The following AGBL1 variants were observed in gnomAD, a reference collection of about 807,000 sequenced individuals.
AGBL1 encodes the protein cytosolic carboxypeptidase 4.
A neutral mutation model predicts 118.9 loss-of-function variants in AGBL1; 130 were observed. That is an observed-to-expected ratio of 1.09 (90% CI 0.95 to 1.26). The LOEUF is 1.26. Ranked by LOEUF, AGBL1 falls within the 50% of genes most tolerant of loss-of-function variation. AGBL1 has a pLI of 0.00. For missense variants in AGBL1, 1,584 were observed against 1,298.1 expected (o/e 1.22, Z -3.38); for synonymous variants, 555 against 478.9 (o/e 1.16, Z -2.08).
Position 86,741,811 on chromosome 15 carries a change from T to G in AGBL1, c.3158+67375T>G, listed in dbSNP as rs182181584. On this transcript the variant is annotated intron_variant, in intron 22 of 22. Coordinates refer to ENST00000614907, the MANE Select transcript of AGBL1 (RefSeq NM_001386094.1). The stretch of plus-strand genomic sequence containing the variant: ...CTCTCCTTGTTTTAGTTATTCAATC[T>G]GCAAAACAAAAGGACAATGCTTACA... Among the ~76,000 whole-genome samples the G allele has an allele frequency of 9.2e-5, 14 of 152,260 alleles. No homozygotes were observed. The East Asian group carries it at 1.2e-3, about 13-fold the overall frequency.
At chr15:86,108,994 G>A (rs1336006821) in intron 1 of AGBL1, among the ~76,000 whole-genome samples, 1 of 151,978 alleles carries the variant, frequency 6.6e-6, no homozygotes, top group African/African-American at 2.4e-5. Flanking sequence ...ATCAAGGAAG[G>A]GGAGCATGTT....
chr15:86,496,285 A>G (rs11073637), intron 18 of AGBL1, among the ~76,000 whole-genome samples: 67,489 of 151,830 alleles, frequency 0.44, 15,956 homozygotes, highest in East Asian at 0.68. Flanking sequence ...TTTGCCTTGT[A>G]CCATGACTAT....
chr15:86,697,993 G>A (rs2086291496), intron 22 of AGBL1, among the ~76,000 whole-genome samples: 1 of 151,940 alleles, frequency 6.6e-6, no homozygotes, highest in African/African-American at 2.4e-5. Context: ...AATTTTCTTA[G>A]CTTTCCTAGT....
Position 86,615,061 on chromosome 15 carries a change from G to T in AGBL1, c.2995-59212G>T, listed in dbSNP as rs2084702965. ...AGTAATTAGGATACCAAAAGGATGG[G>T]CCTTTAGAAAAGGTTAGGACTAGAA... On this transcript the variant is annotated intron_variant, in intron 21 of 22. Transcript: ENST00000614907. This position sits in a 1 kb window ranked among gnomAD's most constrained non-coding sequence, Gnocchi z 4.3. Among the ~76,000 whole-genome samples, 1 of 152,186 alleles carries T rather than the reference G, an allele frequency of 6.6e-6. No homozygotes were observed. Among genetic ancestry groups the T allele is most frequent in the Non-Finnish European group, 1.5e-5 (1 of 68,032 alleles).
downstream of AGBL1, among the ~76,000 whole-genome samples, chr15:86,917,544 T>C (rs2080438876): frequency 6.6e-6 from 1 of 152,208 alleles, no homozygotes; most frequent in South Asian, 2.1e-4. The surrounding 1 kb of genome is among the most constrained non-coding windows in gnomAD (Gnocchi z 4.8). Context: ...AGCAGTGACC[T>C]AGCAGCAGCC....
chr15:86,563,110 A>AT (rs1303382289), intron 21 of AGBL1, among the ~76,000 whole-genome samples: 2 of 151,898 alleles, frequency 1.3e-5, no homozygotes, highest in South Asian at 2.1e-4. Flanking sequence ...GGATTCACTG[A>AT]TTTTTTGAAG....
intron 23 of AGBL1, among the ~76,000 whole-genome samples, chr15:86,969,805 T>G (rs910881105): frequency 1.3e-5 from 2 of 151,874 alleles, no homozygotes; most frequent in African/African-American, 4.8e-5. Flanking sequence ...GAACCTACAG[T>G]GGGAATTTAA....
chr15:86,188,706 T>A (rs1485043153), intron 5 of AGBL1, among the ~76,000 whole-genome samples: 1 of 152,192 alleles, frequency 6.6e-6, no homozygotes, highest in East Asian at 1.9e-4. Context: ...TTTGACTTTA[T>A]AAAAATGGGA....
At chr15:86,606,193 T>C (rs2084575481) in intron 21 of AGBL1, among the ~76,000 whole-genome samples, 1 of 151,396 alleles carries the variant, frequency 6.6e-6, no homozygotes, top group African/African-American at 2.4e-5. Context: ...GTTATTGAAT[T>C]AATCGGCTTC....
At chr15:86,420,194 A>G (rs2081767413) in intron 18 of AGBL1, among the ~76,000 whole-genome samples, 1 of 152,216 alleles carries the variant, frequency 6.6e-6, no homozygotes, top group Non-Finnish European at 1.5e-5. Flanking sequence ...GCAGGGGTCG[A>G]CAGACACCTC....
At chr15:86,626,556 G>A (rs1386309655) in intron 21 of AGBL1, among the ~76,000 whole-genome samples, 4 of 152,152 alleles carry the variant, frequency 2.6e-5, no homozygotes, top group Non-Finnish European at 4.4e-5. Flanking sequence ...ATGGGTACTA[G>A]GCTTAATAGC....
intron 24 of AGBL1, among the ~76,000 whole-genome samples, chr15:87,015,392 T>C (rs1308907927): frequency 1.3e-5 from 2 of 152,130 alleles, no homozygotes; most frequent in Non-Finnish European, 2.9e-5. Flanking sequence ...AGTCTGTCTA[T>C]CTATCTACCT....
chr15:86,276,248 A>G (rs1038415371), intron 15 of AGBL1, among the ~76,000 whole-genome samples: 35 of 152,358 alleles, frequency 2.3e-4, no homozygotes, highest in African/African-American at 8.2e-4. Flanking sequence ...TACCTTGGGC[A>G]TAAGACATCT....
chr15:86,481,706 T>C (rs748984283), intron 18 of AGBL1, among the ~76,000 whole-genome samples: 4 of 152,164 alleles, frequency 2.6e-5, no homozygotes, highest in Non-Finnish European at 4.4e-5. Context: ...TATAATGGAA[T>C]GGTAACTCAG....
At chr15:86,748,028 GT>G in intron 22 of AGBL1, among the ~76,000 whole-genome samples, 1 of 152,264 alleles carries the variant, frequency 6.6e-6, no homozygotes, top group African/African-American at 2.4e-5. Context: ...GGTATTTCTA[GT>G]TCTAGATCCT....
At chr15:86,542,356 ATTTTTTTT>A (rs71144054) in intron 19 of AGBL1, among the ~76,000 whole-genome samples, 51,690 of 116,132 alleles carry the variant, frequency 0.45, 11,503 homozygotes, top group East Asian at 0.81. Flanking sequence ...CACCATTGAG[ATTTTTTTT>A]TTTTTTTTTT....
chr15:86,094,058 A>G (rs1329540022), intron 1 of AGBL1, among the ~76,000 whole-genome samples: 1 of 149,654 alleles, frequency 6.7e-6, no homozygotes, highest in East Asian at 1.9e-4. Flanking sequence ...ATACTCTTTA[A>G]AATAATATCA....
At chr15:86,441,563 TCCGTAAAGGCAGA>T (rs1357309619) in intron 18 of AGBL1, among the ~76,000 whole-genome samples, 1 of 152,156 alleles carries the variant, frequency 6.6e-6, no homozygotes, top group African/African-American at 2.4e-5. Flanking sequence ...TATCCAGGTA[TCCGTAAAGGCAGA>T]CCCATGCCAA....
chr15:86,867,754 A>T (rs2079652893), intron 22 of AGBL1, among the ~76,000 whole-genome samples: 1 of 152,212 alleles, frequency 6.6e-6, no homozygotes, highest in African/African-American at 2.4e-5. Flanking sequence ...ATATGTTGGT[A>T]TGAAAGCAGA....
Sources: allele counts gnomAD v4.1 joint callset (sites outside exome capture counted in the v4.1 genomes callset), GRCh38; gene constraint gnomAD v4.1.1; non-coding constraint Gnocchi (gnomAD v3.1); transcripts MANE v1.5; gene names NCBI Gene and HGNC (gene_info 2026-07-23, HGNC 2026-07-21).